The following RXYLT1 variants were observed in gnomAD, a reference collection of about 807,000 sequenced individuals.
RXYLT1 encodes ribitol xylosyltransferase 1, also known as ribitol-5-phosphate xylosyltransferase 1.
RXYLT1 carries 41 observed loss-of-function variants against 43.5 expected under a neutral mutation model. The observed-to-expected ratio is 0.94, with a 90% CI of 0.73 to 1.22. RXYLT1 has a LOEUF of 1.22. RXYLT1 is among the 50% of genes most tolerant of loss of function. The pLI is 0.00. For missense variants in RXYLT1, 514 were observed against 532.0 expected (o/e 0.97, Z 0.33); for synonymous variants, 166 against 194.4 (o/e 0.85, Z 1.21).
At chr12:63,804,025 GTATTTTT>G (rs1296903424) in intron 4 of RXYLT1, 18 of 151,984 alleles carry the variant, frequency 1.2e-4, no homozygotes, top group Admixed American at 1.2e-3. Flanking sequence ...GGCTAATTTT[GTATTTTT>G]TATAGAGAGG....
chr12:63,793,824 A>T (rs1167139584), intron 3 of RXYLT1, among the ~76,000 whole-genome samples: 1 of 152,260 alleles, frequency 6.6e-6, no homozygotes, highest in Non-Finnish European at 1.5e-5. Flanking sequence ...AATGGATCAT[A>T]GTCTGAATGA....
At chr12:63,785,112 T>A in intron 3 of RXYLT1, 40 bp downstream of exon 3, 1 of 1,438,608 alleles carries the variant, frequency 7.0e-7, no homozygotes, top group Non-Finnish European at 9.5e-7. Flanking sequence ...ACCTTTGATG[T>A]TTTGCTCTGC....
Position 63,781,021 on chromosome 12 carries a change from C to T in RXYLT1, c.172C>T (p.Gln58Ter). The T allele has an allele frequency of 1.9e-6, 3 of 1,589,630 alleles. No individual in the cohort carries two copies. The highest frequency in any genetic ancestry group is 2.6e-6 in the Non-Finnish European group (3 of 1,170,832). ...APARERRGRE[Q>*]STLESEEWNP... ...AACACTTACTCTTTTTAAAACAGAACAGTCCACTTTGGAAAGTGAAGAATG... is the reference window on the plus strand; with the variant it reads ...AACACTTACTCTTTTTAAAACAGAATAGTCCACTTTGGAAAGTGAAGAATG... Residue 58 changes from glutamine (Q) to a stop codon, truncating the protein, a stop_gained and splice_region_variant, in exon 2 of 6, where the codon CAG becomes TAG. Coordinates refer to ENST00000261234, the MANE Select transcript of RXYLT1 (RefSeq NM_014254.3). LOFTEE classifies it high-confidence loss of function.
chr12:63,785,103 C>T (rs1179026884), intron 3 of RXYLT1, 31 bp downstream of exon 3: 2 of 1,491,208 alleles, frequency 1.3e-6, no homozygotes, highest in Non-Finnish European at 1.8e-6. Context: ...GCAACATTAA[C>T]CTTTGATGTT....
At chr12:63,786,511 TA>T (rs34686344) in intron 3 of RXYLT1, among the ~76,000 whole-genome samples, 426 of 144,268 alleles carry the variant, frequency 3.0e-3, no homozygotes, top group Middle Eastern at 3.6e-3. Flanking sequence ...GTATTATGCC[TA>T]AAAAAAAAAA....
At chr12:63,789,347 TTG>T (rs1897872020) in intron 3 of RXYLT1, among the ~76,000 whole-genome samples, 1 of 152,198 alleles carries the variant, frequency 6.6e-6, no homozygotes, top group Admixed American at 6.5e-5. Flanking sequence ...CCATCAGATC[TTG>T]TGAGACTTAT....
chr12:63,782,033 T>A (rs948899069), intron 2 of RXYLT1, among the ~76,000 whole-genome samples: 3 of 152,236 alleles, frequency 2.0e-5, no homozygotes, highest in Non-Finnish European at 2.9e-5. Flanking sequence ...CATTATTTTT[T>A]AAATAAAGTC....
At chr12:63,796,869 C>A (rs973287446) in intron 3 of RXYLT1, among the ~76,000 whole-genome samples, 1 of 151,114 alleles carries the variant, frequency 6.6e-6, no homozygotes, top group African/African-American at 2.4e-5. Flanking sequence ...TGCAATAGTC[C>A]TGTCGATAAA....
chr12:63,781,227 T>C, intron 2 of RXYLT1, 53 bp downstream of exon 2: 1 of 1,356,484 alleles, frequency 7.4e-7, no homozygotes, highest in African/African-American at 1.5e-5. Flanking sequence ...AAATGTATTT[T>C]ATTGATATGA....
rs1898404339 is a variant in RXYLT1 at position 63,809,555 on chromosome 12, T to G, written c.*463T>G. 1.3e-5 allele frequency: 2 copies of G among 154,162 alleles called. No homozygotes were observed. The highest frequency in any genetic ancestry group is 2.4e-5 in the African/African-American group (1 of 41,440). The allele number at this position is 154,162 out of a possible 1,614,324, so 9.5% of individuals were successfully genotyped here. A position where few individuals can be genotyped will look rare whatever the true frequency, so the allele number is the denominator to read the frequency against. On this transcript the variant is annotated 3_prime_UTR_variant, in exon 6 of 6. Coordinates refer to ENST00000261234, the MANE Select transcript of RXYLT1 (RefSeq NM_014254.3). ...TGAATAAATGCCTGAGATTGAGTAA[T>G]TTATAAAGAAGAGAGGTTTAATTGG...
At chr12:63,796,981 T>TG (rs1234334254) in intron 3 of RXYLT1, among the ~76,000 whole-genome samples, 16 of 142,882 alleles carry the variant, frequency 1.1e-4, no homozygotes, top group Admixed American at 1.1e-3. Context: ...TTTTTTTTTT[T>TG]GTGACAGAGT....
At chr12:63,796,553 A>G (rs1249354345) in intron 3 of RXYLT1, among the ~76,000 whole-genome samples, 2 of 152,248 alleles carry the variant, frequency 1.3e-5, no homozygotes, top group Non-Finnish European at 2.9e-5. Context: ...CATTCATTGA[A>G]TCAGTCATCA....
At position 63,787,849 on chromosome 12, in the gene RXYLT1, C is replaced by T. The variant is rs377580647; in HGVS notation, c.428+2777C>T. On this transcript the variant is annotated intron_variant, in intron 3 of 5. Coordinates refer to ENST00000261234, the MANE Select transcript of RXYLT1 (RefSeq NM_014254.3). The stretch of plus-strand genomic sequence containing the variant: ...ACCATGTTGGCCAGGTCTCCTGTCT[C>T]GGACTCCTGTCCCCAAGTGATCCAC... Among the ~76,000 whole-genome samples, 45 of 152,278 alleles carry T rather than the reference C, an allele frequency of 3.0e-4. 1 individual carries two copies. Among genetic ancestry groups the T allele is most frequent in the South Asian group, 2.7e-3 (13 of 4,826 alleles).
Position 63,808,769 on chromosome 12 carries a change from G to A in RXYLT1, c.1009G>A (p.Glu337Lys), listed in dbSNP as rs1159157747. Reference sequence around the variant, plus strand: ...ATTGTGCCCGGTCGGAGTAAACACAGAATGCTATCGAATCTATGAGGCTTG... The same window carrying A: ...ATTGTGCCCGGTCGGAGTAAACACAAAATGCTATCGAATCTATGAGGCTTG... The part of the protein sequence containing the change: ...LTLCPVGVNT[E>K]CYRIYEACSY... The change falls in exon 6 of 6, where the codon GAA becomes AAA. Residue 337 changes from glutamate to lysine, a missense_variant. Glu to Lys is a moderately conservative substitution (Grantham distance 56). Coordinates refer to ENST00000261234, the MANE Select transcript of RXYLT1 (RefSeq NM_014254.3). 1.2e-6 allele frequency: 2 copies of A among 1,613,306 alleles called. No individual in the cohort carries two copies. Among genetic ancestry groups the A allele is most frequent in the Non-Finnish European group, 1.7e-6 (2 of 1,179,898 alleles).
chr12:63,788,702 C>T (rs191628145), intron 3 of RXYLT1, among the ~76,000 whole-genome samples: 6 of 152,346 alleles, frequency 3.9e-5, no homozygotes, highest in African/African-American at 1.4e-4. Flanking sequence ...GTTTGATCCT[C>T]TATCCAGACT....
chr12:63,799,297 CTTTTCTTTTTTTTT>C (rs1898103819), intron 3 of RXYLT1, among the ~76,000 whole-genome samples: 1 of 118,398 alleles, frequency 8.4e-6, no homozygotes, highest in Non-Finnish European at 1.7e-5. Flanking sequence ...TTTTTCTTTT[CTTTTCTTTTTTTTT>C]TTTTTTTTTT....
intron 3 of RXYLT1, among the ~76,000 whole-genome samples, chr12:63,795,193 T>C (rs1254206964): frequency 6.6e-6 from 1 of 151,808 alleles, no homozygotes; most frequent in Non-Finnish European, 1.5e-5. Flanking sequence ...GGTGGAAGGA[T>C]AGCTTGAGCC....
At chr12:63,794,795 T>TA (rs143526388) in intron 3 of RXYLT1, among the ~76,000 whole-genome samples, 4,016 of 149,696 alleles carry the variant, frequency 0.027, 65 homozygotes, top group South Asian at 0.05. Context: ...ATTTTTCATT[T>TA]AAAAAAAAAA....
At chr12:63,805,169 TG>T in intron 4 of RXYLT1, 64 bp from the exon 5 acceptor site, 1 of 1,297,166 alleles carries the variant, frequency 7.7e-7, no homozygotes, top group East Asian at 2.5e-5. Flanking sequence ...CCTAAGAGAT[TG>T]GGTTATGGGG....
Sources: allele counts gnomAD v4.1 joint callset (sites outside exome capture counted in the v4.1 genomes callset), GRCh38; gene constraint gnomAD v4.1.1; transcripts MANE v1.5; gene names NCBI Gene and HGNC (gene_info 2026-07-23, HGNC 2026-07-21).